Variants in TULP3 observed in about 807,000 individuals in gnomAD.
TULP3 encodes tubby-related protein 3.
TULP3 carries 38 observed loss-of-function variants against 50.7 expected under a neutral mutation model. The observed-to-expected ratio is 0.75, with a 90% CI of 0.58 to 0.98. The LOEUF is 0.98. Among genes scored for constraint, TULP3 ranks in the 50% least tolerant of loss-of-function variants. The pLI, the probability that TULP3 is intolerant of heterozygous loss-of-function variation, is 0.00. For synonymous variants in TULP3, 183 were observed against 196.6 expected, an observed-to-expected ratio of 0.93 and a Z score of 0.58; for missense variants, 550 against 568.0, an observed-to-expected ratio of 0.97 and a Z score of 0.32.
intron 4 of TULP3, among the ~76,000 whole-genome samples, chr12:2,924,321 G>A (rs918675277): frequency 1.3e-5 from 2 of 152,124 alleles, no homozygotes; most frequent in African/African-American, 4.8e-5. Context: ...AGCCAGGAGA[G>A]GGAAGTGGGC....
intron 1 of TULP3, among the ~76,000 whole-genome samples, chr12:2,905,602 G>A (rs932730499): frequency 2.0e-5 from 3 of 152,140 alleles, no homozygotes; most frequent in Admixed American, 6.6e-5. Context: ...ACTTGTAAAT[G>A]TTACAGTTAC....
intron 1 of TULP3, among the ~76,000 whole-genome samples, chr12:2,900,863 C>T (rs1456301492): frequency 6.7e-6 from 1 of 149,098 alleles, no homozygotes; most frequent in Non-Finnish European, 1.5e-5. Context: ...GCATGCGCAA[C>T]CAAGCCGAAA....
At chr12:2,921,744 A>C (rs139760411) in intron 3 of TULP3, among the ~76,000 whole-genome samples, 202 of 152,262 alleles carry the variant, frequency 1.3e-3, no homozygotes, top group African/African-American at 4.7e-3. Flanking sequence ...TACTTCAGTT[A>C]CTGAAGTACA....
intron 1 of TULP3, among the ~76,000 whole-genome samples, chr12:2,895,992 G>T (rs150460590): frequency 0.011 from 1,708 of 151,714 alleles, 38 homozygotes; most frequent in African/African-American, 0.039. Flanking sequence ...TCAGGCTGGA[G>T]TGCAATGGCA....
chr12:2,913,785 AT>A (rs2098187044), intron 2 of TULP3, among the ~76,000 whole-genome samples: 1 of 151,654 alleles, frequency 6.6e-6, no homozygotes, highest in South Asian at 2.1e-4. Flanking sequence ...TAATTTTTGT[AT>A]TTTTAGTAGA....
chr12:2,903,106 C>A (rs561633821), intron 1 of TULP3, among the ~76,000 whole-genome samples: 10 of 151,942 alleles, frequency 6.6e-5, no homozygotes, highest in Non-Finnish European at 1.5e-4. Flanking sequence ...AAGTGATCTC[C>A]CCACGTTAGC....
At chr12:2,924,077 TG>T (rs1346794707) in intron 4 of TULP3, among the ~76,000 whole-genome samples, 2 of 152,220 alleles carry the variant, frequency 1.3e-5, no homozygotes, top group Non-Finnish European at 2.9e-5. Context: ...TGAGTAAGCA[TG>T]GTTCCTGCCC....
chr12:2,891,973 C>G (rs1337244053), intron 1 of TULP3, among the ~76,000 whole-genome samples: 1 of 151,996 alleles, frequency 6.6e-6, no homozygotes, highest in Non-Finnish European at 1.5e-5. Flanking sequence ...GTAGTTCCAG[C>G]GACTCGAGAG....
rs774994088 is a variant in TULP3, at chr12:2,940,482, CA to C, written c.*1039del. Reference sequence around the variant, plus strand: ...TTTTGCTACGTTTTTTTGATTATTACACCCCTCCACGTATTATGTGACTCTT... The same window carrying C: ...TTTTGCTACGTTTTTTTGATTATTACCCCCTCCACGTATTATGTGACTCTT... On this transcript the variant is annotated 3_prime_UTR_variant, in exon 11 of 11. Coordinates refer to ENST00000448120, the MANE Select transcript of TULP3 (RefSeq NM_003324.5). The C allele has an allele frequency of 7.0e-5, 105 of 1,498,086 alleles. No homozygotes were observed. In the East Asian group the frequency reaches 2.2e-3, roughly 31 times the overall value. The allele number at this position is 1,498,086 out of a possible 1,614,324, so 92.8% of individuals were successfully genotyped here.
At chr12:2,898,918 G>T (rs1254184590) in intron 1 of TULP3, among the ~76,000 whole-genome samples, 1 of 152,108 alleles carries the variant, frequency 6.6e-6, no homozygotes, top group East Asian at 1.9e-4. Flanking sequence ...GCCTCAAGCA[G>T]TCTGCCCACA....
intron 2 of TULP3, 137 bp from the exon 3 acceptor site, chr12:2,920,626 T>C (rs1405585678): frequency 9.4e-7 from 1 of 1,058,550 alleles, no homozygotes; most frequent in African/African-American, 1.6e-5. Context: ...TGCCTCAGTT[T>C]TCCCATTTCT....
chr12:2,910,986 C>T (rs2098185138), intron 2 of TULP3, among the ~76,000 whole-genome samples: 1 of 152,098 alleles, frequency 6.6e-6, no homozygotes, highest in Middle Eastern at 3.4e-3. Flanking sequence ...ATCGTAAGGC[C>T]CAATTGTACC....
chr12:2,898,266 C>T (rs1020911861), intron 1 of TULP3, among the ~76,000 whole-genome samples: 3 of 152,094 alleles, frequency 2.0e-5, no homozygotes, highest in East Asian at 3.9e-4. Context: ...ACATAGCACA[C>T]GTCTCTAAAT....
intron 5 of TULP3, 126 bp from the exon 6 acceptor site, chr12:2,930,911 C>G (rs762275918): frequency 1.9e-6 from 2 of 1,034,724 alleles, no homozygotes; most frequent in East Asian, 2.4e-5. Context: ...TTCAGTTTTC[C>G]TCATTCTGTC....
Position 2,937,669 on chromosome 12 carries a change from G to T in TULP3, c.963G>T (p.Met321Ile). 1 of 1,613,172 alleles carries T rather than the reference G, an allele frequency of 6.2e-7. No homozygotes were observed. The highest frequency in any genetic ancestry group is 8.5e-7 in the Non-Finnish European group (1 of 1,179,672). ...NVLGFKGPRK[M>I]SVIIPGMTLN... ...TTGGATTTAAAGGTCCTAGGAAAAT[G>T]TCTGTGATCATTCCTGGAATGACAC... The change falls in exon 9 of 11, where the codon ATG (methionine) becomes ATT (isoleucine). Residue 321 changes from methionine to isoleucine, a missense_variant. Coordinates refer to ENST00000448120, the MANE Select transcript of TULP3 (RefSeq NM_003324.5).
rs1371650143 is a variant in TULP3 at position 2,940,486 on chromosome 12, C to T, written c.*1042C>T. On this transcript the variant is annotated 3_prime_UTR_variant, in exon 11 of 11. Transcript: ENST00000448120. ...GCTACGTTTTTTTGATTATTACACC[C>T]CTCCACGTATTATGTGACTCTTACA... 1.3e-6 allele frequency: 2 copies of T among 1,508,814 alleles called. No individual in the cohort carries two copies. The highest frequency in any genetic ancestry group is 2.5e-5 in the East Asian group (1 of 40,494). The allele number at this position is 1,508,814 out of a possible 1,614,324, so 93.5% of individuals were successfully genotyped here.
chr12:2,914,765 T>C (rs1413166405), intron 2 of TULP3, among the ~76,000 whole-genome samples: 1 of 151,540 alleles, frequency 6.6e-6, no homozygotes, highest in Non-Finnish European at 1.5e-5. Flanking sequence ...CCAGAGTAGC[T>C]GGGATTAGAG....
chr12:2,899,630 A>G (rs548891087), intron 1 of TULP3, among the ~76,000 whole-genome samples: 16 of 152,192 alleles, frequency 1.1e-4, no homozygotes, highest in Non-Finnish European at 1.2e-4. Context: ...GTGGTGGCTC[A>G]CGCCTGTAAT....
At chr12:2,917,191 A>G (rs1489509639) in intron 2 of TULP3, among the ~76,000 whole-genome samples, 1 of 152,216 alleles carries the variant, frequency 6.6e-6, no homozygotes, top group Non-Finnish European at 1.5e-5. Context: ...TCCTGGGAAT[A>G]CGATACCTAA....
Sources: allele counts gnomAD v4.1 joint callset (sites outside exome capture counted in the v4.1 genomes callset), GRCh38; gene constraint gnomAD v4.1.1; transcripts MANE v1.5; gene names NCBI Gene and HGNC (gene_info 2026-07-23, HGNC 2026-07-21).